The following ROBO2 variants were observed in gnomAD, a reference collection of about 807,000 sequenced individuals.
The protein encoded by ROBO2 is roundabout guidance receptor 2.
In ROBO2, 53 loss-of-function variants were observed where a neutral mutation model predicts 160.8. The observed-to-expected ratio is 0.33, with a 90% CI of 0.26 to 0.41. The LOEUF is 0.41. Among genes scored for constraint, ROBO2 ranks in the 10% least tolerant of loss-of-function variants. The probability of loss-of-function intolerance (pLI) is 1.00; values close to 1 mark genes in which losing one functional copy is unlikely to be tolerated. For missense variants in ROBO2, 1,577 were observed against 1,722.4 expected (o/e 0.92, Z 1.49); for synonymous variants, 664 against 611.7 (o/e 1.09, Z -1.26).
exon 11 of ROBO2, chr3:77,563,169 T>C (rs1163995766): frequency 1.2e-6 from 2 of 1,613,034 alleles, no homozygotes; most frequent in Admixed American, 3.3e-5. Flanking sequence ...CTCTATAGAG[T>C]CTGGAGCAAC....
chr3:76,276,782 A>G (rs187861580), intron 2 of ROBO2, among the ~76,000 whole-genome samples: 1 of 151,960 alleles, frequency 6.6e-6, no homozygotes, highest in Non-Finnish European at 1.5e-5. Context: ...TGGGGTGATG[A>G]TGTCCTTGTA....
intron 2 of ROBO2, among the ~76,000 whole-genome samples, chr3:77,000,252 C>T (rs1217759966): frequency 6.6e-6 from 1 of 152,126 alleles, no homozygotes; most frequent in African/African-American, 2.4e-5. Flanking sequence ...CTGAGTGATT[C>T]CCGTATATCT....
intron 2 of ROBO2, among the ~76,000 whole-genome samples, chr3:76,784,959 A>T (rs1317972483): frequency 3.3e-5 from 5 of 150,576 alleles, no homozygotes; most frequent in African/African-American, 1.2e-4. Flanking sequence ...CAATGTGTCC[A>T]CTCTTGAATT....
chr3:76,072,988 A>G (rs966752567), intron 2 of ROBO2, among the ~76,000 whole-genome samples: 1 of 152,188 alleles, frequency 6.6e-6, no homozygotes, highest in Non-Finnish European at 1.5e-5. Context: ...ACTTTGGCAC[A>G]TAATAATTTT....
intron 2 of ROBO2, among the ~76,000 whole-genome samples, chr3:76,894,213 G>A (rs971273569): frequency 6.6e-6 from 1 of 151,942 alleles, no homozygotes; most frequent in African/African-American, 2.4e-5. Flanking sequence ...AATGCATTTT[G>A]GATTCCATTA....
intron 2 of ROBO2, among the ~76,000 whole-genome samples, chr3:76,919,171 C>T (rs1489436386): frequency 6.6e-6 from 1 of 152,022 alleles, no homozygotes; most frequent in African/African-American, 2.4e-5. Flanking sequence ...ACATTCTGCA[C>T]ATGTACCCCG....
At chr3:76,630,440 A>G (rs937227737) in intron 2 of ROBO2, among the ~76,000 whole-genome samples, 2 of 152,224 alleles carry the variant, frequency 1.3e-5, no homozygotes, top group East Asian at 1.9e-4. Context: ...ATTTATTTCA[A>G]TGTTTAATAT....
chr3:77,042,774 C>T (rs534674199), intron 1 of ROBO2, among the ~76,000 whole-genome samples: 9 of 152,066 alleles, frequency 5.9e-5, no homozygotes, highest in Non-Finnish European at 1.0e-4. Context: ...CACCACCCTT[C>T]TCCTGCCCCC....
chr3:76,313,260 G>C (rs1018762219), intron 2 of ROBO2, among the ~76,000 whole-genome samples: 1 of 152,182 alleles, frequency 6.6e-6, no homozygotes, highest in African/African-American at 2.4e-5. Context: ...CAGATTCTGA[G>C]TTCCTGCGAT....
chr3:76,379,672 A>G (rs2076522475), intron 2 of ROBO2, among the ~76,000 whole-genome samples: 1 of 152,204 alleles, frequency 6.6e-6, no homozygotes, highest in Admixed American at 6.5e-5. Flanking sequence ...AATATATATA[A>G]TTGCAAGTAG....
intron 2 of ROBO2, among the ~76,000 whole-genome samples, chr3:76,029,149 G>A (rs2066837443): frequency 6.6e-6 from 1 of 151,870 alleles, no homozygotes; most frequent in African/African-American, 2.4e-5. Context: ...ATTCTATCAA[G>A]GACCTAATAT....
chr3:76,059,048 A>G (rs1315112762), intron 2 of ROBO2, among the ~76,000 whole-genome samples: 1 of 150,528 alleles, frequency 6.6e-6, no homozygotes, highest in Non-Finnish European at 1.5e-5. Context: ...CCAGTCTATC[A>G]TTGTTGGACA....
rs542542401 is a variant in ROBO2, at chr3:77,070,018, A to C, written c.62-27996A>C. ...TTTCAATACGACTGGTGTCCTTATA[A>C]AAAGGGAGAATTTGGATACGGAGAC... On this transcript the variant is annotated intron_variant, in intron 1 of 25. Transcript: ENST00000461745. Among the ~76,000 whole-genome samples the C allele has an allele frequency of 3.2e-4, 48 of 152,268 alleles. 1 individual carries two copies. The South Asian group carries it at 9.5e-3, about 30-fold the overall frequency.
intron 2 of ROBO2, among the ~76,000 whole-genome samples, chr3:76,320,263 C>T (rs1408937199): frequency 6.6e-6 from 1 of 152,002 alleles, no homozygotes; most frequent in Non-Finnish European, 1.5e-5. Context: ...GTACAAAATG[C>T]TAAATTAATA....
intron 2 of ROBO2, among the ~76,000 whole-genome samples, chr3:77,229,156 A>T (rs1580196436): frequency 6.6e-6 from 1 of 152,234 alleles, no homozygotes; most frequent in African/African-American, 2.4e-5. Flanking sequence ...GCTATTGGTT[A>T]TTGGGAGGGA....
intron 2 of ROBO2, among the ~76,000 whole-genome samples, chr3:76,468,875 G>A (rs1253097614): frequency 6.6e-6 from 1 of 152,002 alleles, no homozygotes; most frequent in Admixed American, 6.6e-5. Context: ...TACAGCTTCA[G>A]CTGCCACCAC....
chr3:76,968,811 G>T (rs1308953458), intron 2 of ROBO2, among the ~76,000 whole-genome samples: 4 of 152,120 alleles, frequency 2.6e-5, no homozygotes, highest in African/African-American at 9.7e-5. Context: ...ATTCTCTGTT[G>T]TTATGTAGGT....
At chr3:76,472,353 A>T (rs2078710402) in intron 2 of ROBO2, among the ~76,000 whole-genome samples, 1 of 152,162 alleles carries the variant, frequency 6.6e-6, no homozygotes, top group Non-Finnish European at 1.5e-5. Flanking sequence ...ATACTAAAAG[A>T]AGTAGAATTG....
Position 76,244,544 on chromosome 3 carries a change from T to G in ROBO2, c.109+306942T>G, listed in dbSNP as rs138548264. ...TTTCCAGTCCTGGGCAGTTCAGGCT[T>G]ATAGATGATAAAAACACAAACTGCT... On this transcript the variant is annotated intron_variant, in intron 2 of 26. Coordinates refer to the ROBO2 transcript ENST00000487694. 2.4e-3 allele frequency among the ~76,000 whole-genome samples: 359 copies of G among 152,318 alleles called. 1 individual carries two copies. The highest frequency in any genetic ancestry group is 8.2e-3 in the African/African-American group (342 of 41,562).
Sources: gnomAD v4.1 joint callset for allele counts (sites outside exome capture counted in the v4.1 genomes callset) on GRCh38, gnomAD v4.1.1 for gene constraint, MANE v1.5 for transcripts, NCBI Gene and HGNC (gene_info 2026-07-23, HGNC 2026-07-21) for gene names.